EEA1: variants seen among roughly 807,000 people sequenced by gnomAD.
The protein encoded by EEA1 is early endosome antigen 1, also known as early endosome antigen 1, 162kD.
Under a neutral mutation model 209.2 loss-of-function variants are expected in EEA1, and 111 were observed. The ratio of observed to expected loss-of-function variants is 0.53; its 90% CI spans 0.45 to 0.62. EEA1 has a LOEUF of 0.62. EEA1 is among the 20% of genes least tolerant of loss of function. EEA1 has a pLI of 0.00. For missense variants in EEA1, 1,343 were observed against 1,530.8 expected (o/e 0.88, Z 2.05); for synonymous variants, 536 against 540.6 (o/e 0.99, Z 0.12).
At chr12:92,797,408 T>A (rs1874704117) in intron 21 of EEA1, among the ~76,000 whole-genome samples, 1 of 152,176 alleles carries the variant, frequency 6.6e-6, no homozygotes, top group Non-Finnish European at 1.5e-5. Context: ...TATTTTTTAA[T>A]ACTGTACTGT....
chr12:92,927,949 GAAGC>G (rs1881267932), intron 1 of EEA1, among the ~76,000 whole-genome samples: 1 of 152,180 alleles, frequency 6.6e-6, no homozygotes, highest in Non-Finnish European at 1.5e-5. Context: ...AAGCTAGGCA[GAAGC>G]AAGAGCACTC....
chr12:92,926,531 G>T (rs974531442), intron 1 of EEA1, among the ~76,000 whole-genome samples: 1 of 152,050 alleles, frequency 6.6e-6, no homozygotes, highest in Non-Finnish European at 1.5e-5. Context: ...CCAGATTTAA[G>T]ACATTTATCA....
At chr12:92,864,621 T>C (rs1878291440) in intron 3 of EEA1, among the ~76,000 whole-genome samples, 1 of 152,186 alleles carries the variant, frequency 6.6e-6, no homozygotes, top group Admixed American at 6.5e-5. Context: ...TTTTGCTAAC[T>C]CACAATCTTC....
In EEA1 at chr12:92,772,481, A is replaced by G. The variant is rs1348075971; in HGVS notation, c.*3530T>C. On this transcript the variant is annotated 3_prime_UTR_variant, in exon 29 of 29. Coordinates refer to ENST00000322349, the MANE Select transcript of EEA1 (RefSeq NM_003566.4). ...TACAGTGTTCTCTCTTTTGTTAGAC[A>G]AAACAATTTATAGTCACAGAATACA... The G allele has an allele frequency of 6.6e-6, 1 of 151,904 alleles. No homozygotes were observed. Among genetic ancestry groups the G allele is most frequent in the African/African-American group, 2.4e-5 (1 of 41,436 alleles). 9.4% of individuals were successfully genotyped at this position (151,904 alleles called of 1,614,324 possible). A position where few individuals can be genotyped will look rare whatever the true frequency, so the allele number is the denominator to read the frequency against.
chr12:92,813,798 AG>A, intron 15 of EEA1, among the ~76,000 whole-genome samples: 1 of 152,262 alleles, frequency 6.6e-6, no homozygotes, highest in East Asian at 1.9e-4. Flanking sequence ...GCAGATCACA[AG>A]GTCAAGCGAT....
At chr12:92,835,147 C>A (rs1876860006) in intron 10 of EEA1, among the ~76,000 whole-genome samples, 1 of 152,060 alleles carries the variant, frequency 6.6e-6, no homozygotes, top group African/African-American at 2.4e-5. Context: ...TCCCAAAGTG[C>A]TGGGATTATA....
chr12:92,880,364 G>A (rs1879081509), intron 2 of EEA1, among the ~76,000 whole-genome samples: 1 of 152,164 alleles, frequency 6.6e-6, no homozygotes, highest in African/African-American at 2.4e-5. Flanking sequence ...GAGTGCAGTA[G>A]TGCAATCTCG....
chr12:92,800,883 G>A (rs1874879877), intron 20 of EEA1, among the ~76,000 whole-genome samples: 1 of 152,164 alleles, frequency 6.6e-6, no homozygotes, highest in Non-Finnish European at 1.5e-5. Flanking sequence ...CTACTTACAT[G>A]GCTGGCATCT....
intron 11 of EEA1, 122 bp downstream of exon 11, chr12:92,832,390 A>C: frequency 6.5e-6 from 6 of 928,102 alleles, no homozygotes; most frequent in Non-Finnish European, 9.5e-6. Flanking sequence ...AAAAGTTAAG[A>C]GTTAATCTTT....
chr12:92,781,931 G>A lies in EEA1; in HGVS notation c.3336+19C>T. ...CTGTAACTCTAAGATTGTAGATTTA[G>A]GTCAGAAACATGCAATACCTTTTCT... On this transcript the variant is annotated intron_variant, in intron 23 of 28. Transcript: ENST00000322349. 1.3e-6 allele frequency: 2 copies of A among 1,590,996 alleles called. No individual in the cohort carries two copies. The highest frequency in any genetic ancestry group is 1.1e-5 in the South Asian group (1 of 88,204).
chr12:92,824,212 T>G (rs1876190119), intron 13 of EEA1, among the ~76,000 whole-genome samples: 1 of 152,202 alleles, frequency 6.6e-6, no homozygotes, highest in African/African-American at 2.4e-5. Context: ...AATAAATCAG[T>G]CAGCTTTACC....
intron 28 of EEA1, 143 bp downstream of exon 28, chr12:92,776,701 G>A (rs570079925): frequency 2.7e-6 from 2 of 731,030 alleles, no homozygotes; most frequent in Non-Finnish European, 2.2e-6. Flanking sequence ...TAGACTGCAT[G>A]AAGTTATTCT....
At chr12:92,820,583 C>T (rs1384620865) in intron 13 of EEA1, among the ~76,000 whole-genome samples, 5 of 151,868 alleles carry the variant, frequency 3.3e-5, no homozygotes, top group Admixed American at 6.6e-5. Context: ...CATCACACAC[C>T]GGAGCCTGTT....
chr12:92,845,386 G>T (rs1179152806), intron 9 of EEA1, among the ~76,000 whole-genome samples: 1 of 151,990 alleles, frequency 6.6e-6, no homozygotes, highest in Non-Finnish European at 1.5e-5. Flanking sequence ...AAAAAATAAA[G>T]ATTAAAGACA....
intron 20 of EEA1, among the ~76,000 whole-genome samples, chr12:92,799,627 A>C (rs915901131): frequency 2.6e-5 from 4 of 151,898 alleles, no homozygotes; most frequent in Admixed American, 6.6e-5. Context: ...TCTACTAAAA[A>C]TACAAAAAAA....
chr12:92,819,190 A>G (rs545606078), intron 14 of EEA1, 118 bp downstream of exon 14: 13 of 920,536 alleles, frequency 1.4e-5, no homozygotes, highest in South Asian at 7.6e-5. Flanking sequence ...CAAAAAATAT[A>G]TAACACTTAA....
intron 23 of EEA1, among the ~76,000 whole-genome samples, chr12:92,781,701 G>A (rs755395160): frequency 3.7e-4 from 55 of 146,938 alleles, no homozygotes; most frequent in Non-Finnish European, 7.3e-4. Context: ...GGTCTATGGT[G>A]TGAAAAATTG....
chr12:92,832,978 G>T, intron 10 of EEA1, 128 bp from the exon 11 acceptor site: 1 of 655,928 alleles, frequency 1.5e-6, no homozygotes, highest in Non-Finnish European at 2.4e-6. Flanking sequence ...ATAAAACAGT[G>T]ACAATGTTCT....
At chr12:92,794,622 A>G (rs777987993) in intron 21 of EEA1, among the ~76,000 whole-genome samples, 2 of 152,062 alleles carry the variant, frequency 1.3e-5, no homozygotes, top group Non-Finnish European at 2.9e-5. Flanking sequence ...TCAGCAAACT[A>G]TAACAAGGAC....
Sources: gnomAD v4.1 joint callset for allele counts (sites outside exome capture counted in the v4.1 genomes callset) on GRCh38, gnomAD v4.1.1 for gene constraint, MANE v1.5 for transcripts, NCBI Gene and HGNC (gene_info 2026-07-23, HGNC 2026-07-21) for gene names.